The following FGF14 variants were observed in gnomAD, a reference collection of about 807,000 sequenced individuals.
The protein encoded by FGF14 is fibroblast growth factor homologous factor 4.
A neutral mutation model predicts 25.5 loss-of-function variants in FGF14; 5 were observed. The ratio of observed to expected loss-of-function variants is 0.20; its 90% CI spans 0.10 to 0.41. FGF14 has a LOEUF of 0.41. FGF14 is among the 10% of genes least tolerant of loss of function. The pLI, the probability that FGF14 is intolerant of heterozygous loss-of-function variation, is 1.00. For synonymous variants in FGF14, 138 were observed against 118.3 expected, an observed-to-expected ratio of 1.17 and a Z score of -1.08; for missense variants, 222 against 320.1, an observed-to-expected ratio of 0.69 and a Z score of 2.34.
intron 3 of FGF14, among the ~76,000 whole-genome samples, chr13:101,854,525 T>C (rs1048988600): frequency 3.3e-5 from 5 of 152,082 alleles, no homozygotes; most frequent in Non-Finnish European, 7.4e-5. Flanking sequence ...GTATAATTAA[T>C]TGCCACCATT....
At chr13:102,115,779 C>T (rs1456121805) in intron 1 of FGF14, among the ~76,000 whole-genome samples, 2 of 150,368 alleles carry the variant, frequency 1.3e-5, no homozygotes, top group Non-Finnish European at 2.9e-5. Flanking sequence ...TCCTCAGCGA[C>T]ACACGATTTA....
chr13:102,254,122 A>C (rs1292110506), intron 1 of FGF14, among the ~76,000 whole-genome samples: 1 of 152,232 alleles, frequency 6.6e-6, no homozygotes, highest in East Asian at 1.9e-4. Flanking sequence ...TTTCTCCATT[A>C]TTTGGAAAAA....
At chr13:102,190,639 T>C (rs1234501202) in intron 1 of FGF14, among the ~76,000 whole-genome samples, 3 of 152,140 alleles carry the variant, frequency 2.0e-5, no homozygotes, top group Non-Finnish European at 4.4e-5. Context: ...AAAACCAATG[T>C]TAGGAAGACA....
At chr13:101,795,545 G>C (rs909565292) in intron 3 of FGF14, among the ~76,000 whole-genome samples, 3 of 152,056 alleles carry the variant, frequency 2.0e-5, no homozygotes, top group Non-Finnish European at 4.4e-5. Flanking sequence ...TCATAGAATA[G>C]TGGCAGTAAG....
intron 1 of FGF14, among the ~76,000 whole-genome samples, chr13:102,225,113 G>A (rs1285429894): frequency 6.6e-6 from 1 of 152,124 alleles, no homozygotes; most frequent in Admixed American, 6.6e-5. Context: ...CCTCCTCCAC[G>A]AGAGCTCCTC....
At chr13:102,266,342 C>A (rs993372071) in intron 1 of FGF14, among the ~76,000 whole-genome samples, 2 of 152,206 alleles carry the variant, frequency 1.3e-5, no homozygotes, top group South Asian at 4.1e-4. Context: ...GAGAGAGGAA[C>A]CTCCCTCTTT....
chr13:102,057,732 T>A (rs1276459984), intron 1 of FGF14, among the ~76,000 whole-genome samples: 7 of 152,208 alleles, frequency 4.6e-5, no homozygotes, highest in Non-Finnish European at 1.0e-4. Flanking sequence ...CAGTGCTGAC[T>A]GAAAAATATT....
intron 1 of FGF14, among the ~76,000 whole-genome samples, chr13:102,047,444 G>A (rs911850984): frequency 4.6e-5 from 7 of 152,108 alleles, no homozygotes; most frequent in African/African-American, 1.7e-4. Context: ...GGATTGAAAT[G>A]TTTTAAAGGA....
chr13:101,794,304 G>A (rs190792853), intron 3 of FGF14, among the ~76,000 whole-genome samples: 150 of 151,908 alleles, frequency 9.9e-4, no homozygotes, highest in African/African-American at 3.5e-3. Context: ...CTTTCTCTAC[G>A]GTTATTAAAT....
At chr13:101,761,534 A>G (rs1394212333) in intron 3 of FGF14, among the ~76,000 whole-genome samples, 1 of 152,210 alleles carries the variant, frequency 6.6e-6, no homozygotes, top group Non-Finnish European at 1.5e-5. Context: ...GGTCGACTAT[A>G]GACAAATGCT....
At chr13:102,319,335 C>T (rs1039737020) in intron 1 of FGF14, among the ~76,000 whole-genome samples, 1 of 152,134 alleles carries the variant, frequency 6.6e-6, no homozygotes, top group South Asian at 2.1e-4. Flanking sequence ...AACTGCACAC[C>T]TGGACTGGGG....
At chr13:101,854,226 TA>T (rs2044008803) in intron 3 of FGF14, among the ~76,000 whole-genome samples, 1 of 152,124 alleles carries the variant, frequency 6.6e-6, no homozygotes, top group Non-Finnish European at 1.5e-5. Flanking sequence ...CAAGTATGTA[TA>T]TGCATTTATG....
chr13:102,387,583 T>C (rs1293985002), intron 1 of FGF14, among the ~76,000 whole-genome samples: 1 of 152,250 alleles, frequency 6.6e-6, no homozygotes, highest in East Asian at 1.9e-4. Context: ...TTTATATTTT[T>C]AAACTTTTCT....
At chr13:101,760,261 A>C (rs1473078481) in intron 3 of FGF14, among the ~76,000 whole-genome samples, 2 of 152,164 alleles carry the variant, frequency 1.3e-5, no homozygotes, top group Non-Finnish European at 2.9e-5. Context: ...TCTGGGAAAT[A>C]AAATATATCT....
intron 1 of FGF14, among the ~76,000 whole-genome samples, chr13:101,979,727 C>G (rs1364864084): frequency 6.6e-6 from 1 of 152,154 alleles, no homozygotes; most frequent in Non-Finnish European, 1.5e-5. Context: ...TTTGTCATTT[C>G]TATCATATAA....
chr13:102,179,789 T>C, intron 1 of FGF14, among the ~76,000 whole-genome samples: 1 of 152,142 alleles, frequency 6.6e-6, no homozygotes. Flanking sequence ...AATATATAAC[T>C]AAAATTTGAA....
At chr13:102,314,404 T>C (rs955319553) in intron 1 of FGF14, among the ~76,000 whole-genome samples, 13 of 152,178 alleles carry the variant, frequency 8.5e-5, no homozygotes, top group African/African-American at 2.4e-4. Context: ...AATCGCGCTA[T>C]ACATATTTCC....
intron 1 of FGF14, among the ~76,000 whole-genome samples, chr13:101,998,968 A>G (rs765727663): frequency 2.0e-4 from 31 of 152,172 alleles, no homozygotes; most frequent in Non-Finnish European, 4.1e-4. Flanking sequence ...TAAGCCAAAA[A>G]TTTAACCCTA....
chr13:101,789,708 C>T (rs778151316), intron 3 of FGF14, among the ~76,000 whole-genome samples: 19 of 151,620 alleles, frequency 1.3e-4, no homozygotes, highest in Non-Finnish European at 1.8e-4. Context: ...GGTGAGAAGA[C>T]GAATTTTAAA....
Sources: allele counts gnomAD v4.1 joint callset (sites outside exome capture counted in the v4.1 genomes callset), GRCh38; gene constraint gnomAD v4.1.1; transcripts MANE v1.5; gene names NCBI Gene and HGNC (gene_info 2026-07-23, HGNC 2026-07-21).